Variants in EXOC6 observed in about 807,000 individuals in gnomAD.
EXOC6 encodes exocyst complex component 6, also known as SEC15-like 1.
A neutral mutation model predicts 112.5 loss-of-function variants in EXOC6; 60 were observed. The observed-to-expected ratio is 0.53, with a 90% CI of 0.43 to 0.66. EXOC6 has a LOEUF of 0.66. Ranked by LOEUF, EXOC6 falls within the 30% of genes least tolerant of loss-of-function variation. The pLI is 0.00. For synonymous variants in EXOC6, 295 were observed against 308.0 expected (o/e 0.96, Z 0.44); for missense variants, 855 against 957.1 (o/e 0.89, Z 1.41).
At position 92,848,776 on chromosome 10, in the gene EXOC6, G is replaced by A. The variant is rs575793042; in HGVS notation, c.101+142G>A. 53 of 563,228 alleles carry A rather than the reference G, an allele frequency of 9.4e-5. 1 individual carries two copies. In the East Asian group the frequency reaches 4.2e-3, roughly 45 times the overall value. 34.9% of individuals were successfully genotyped at this position (563,228 alleles called of 1,614,324 possible). A position where few individuals can be genotyped will look rare whatever the true frequency, so the allele number is the denominator to read the frequency against. On this transcript the variant is annotated intron_variant, in intron 1 of 21. Coordinates refer to ENST00000260762, the MANE Select transcript of EXOC6 (RefSeq NM_019053.6). ...GCGGGGGCGGGCGGGGGCGCTCGCG[G>A]GTGGCGGAACTCTAGCCGGTACCCG...
At chr10:92,932,244 G>C (rs1852081180) in intron 9 of EXOC6, among the ~76,000 whole-genome samples, 1 of 152,110 alleles carries the variant, frequency 6.6e-6, no homozygotes, top group Non-Finnish European at 1.5e-5. Context: ...TTTTTGAAAA[G>C]ACAAAACTCT....
Position 92,866,912 on chromosome 10 carries a change from T to C in EXOC6, c.101+18278T>C, listed in dbSNP as rs1487447608. On this transcript the variant is annotated intron_variant, in intron 1 of 21. Transcript: ENST00000260762. ...TTGTTTTGGGGGAATTTTACAAATA[T>C]TCTATTTATATAAGTACTTATTTGT... Among the ~76,000 whole-genome samples the C allele has an allele frequency of 4.6e-5, 7 of 152,310 alleles. 1 individual carries two copies. Among genetic ancestry groups the C allele is most frequent in the Middle Eastern group, 6.8e-3 (2 of 294 alleles).
intron 1 of EXOC6, among the ~76,000 whole-genome samples, chr10:92,886,959 A>G (rs1849248077): frequency 6.6e-6 from 1 of 152,136 alleles, no homozygotes; most frequent in African/African-American, 2.4e-5. Context: ...GTTGGTTGTT[A>G]TTATTTTTAT....
At chr10:92,930,827 T>A (rs1396969332) in intron 9 of EXOC6, among the ~76,000 whole-genome samples, 2 of 151,858 alleles carry the variant, frequency 1.3e-5, no homozygotes, top group African/African-American at 2.4e-5. Flanking sequence ...AAGGTGTTGT[T>A]AAGAAAATGA....
At chr10:92,896,147 G>GTGTGTGTGTGTGTGTA (rs1432410468) in intron 4 of EXOC6, among the ~76,000 whole-genome samples, 2 of 24,484 alleles carry the variant, frequency 8.2e-5, no homozygotes, top group African/African-American at 4.6e-4. Flanking sequence ...GTATGTATGT[G>GTGTGTGTGTGTGTGTA]TATATATATA....
At chr10:92,864,049 A>G (rs369260995) in intron 1 of EXOC6, among the ~76,000 whole-genome samples, 1 of 152,236 alleles carries the variant, frequency 6.6e-6, no homozygotes, top group East Asian at 1.9e-4. Flanking sequence ...AGATAACTTG[A>G]TTGTGAAGAA....
At chr10:92,841,165 C>T (rs940529955) in intron 1 of EXOC6, among the ~76,000 whole-genome samples, 3 of 152,132 alleles carry the variant, frequency 2.0e-5, no homozygotes, top group African/African-American at 4.8e-5. Context: ...TTATTTCTCC[C>T]GTCCAGCTGA....
chr10:92,877,330 T>C (rs932609411), intron 1 of EXOC6, among the ~76,000 whole-genome samples: 4 of 152,182 alleles, frequency 2.6e-5, no homozygotes. Flanking sequence ...GCATTCCTTA[T>C]GAGTCTAAGA....
intron 6 of EXOC6, among the ~76,000 whole-genome samples, chr10:92,914,217 C>T (rs1850958778): frequency 6.6e-6 from 1 of 152,142 alleles, no homozygotes; most frequent in African/African-American, 2.4e-5. Flanking sequence ...TGCGGGGCAT[C>T]TAGGTTGTGC....
At chr10:92,975,364 G>A (rs536868850) in intron 18 of EXOC6, among the ~76,000 whole-genome samples, 288 of 149,880 alleles carry the variant, frequency 1.9e-3, no homozygotes, top group African/African-American at 6.7e-3. Flanking sequence ...GAGCCCCTCC[G>A]CCCGGCAGCC....
intron 19 of EXOC6, among the ~76,000 whole-genome samples, chr10:93,000,274 A>G (rs144427965): frequency 1.9e-3 from 295 of 152,250 alleles, no homozygotes; most frequent in African/African-American, 6.5e-3. Context: ...TGATTAGACA[A>G]GTTCAGTTGT....
At chr10:92,855,480 T>C (rs992196695) in intron 1 of EXOC6, among the ~76,000 whole-genome samples, 4 of 152,210 alleles carry the variant, frequency 2.6e-5, no homozygotes, top group Admixed American at 1.3e-4. Flanking sequence ...AGCTTGTGAA[T>C]GATTAATGTT....
intron 1 of EXOC6, among the ~76,000 whole-genome samples, chr10:92,857,873 A>G (rs899130111): frequency 2.7e-5 from 4 of 147,832 alleles, no homozygotes; most frequent in Non-Finnish European, 4.5e-5. Context: ...TTCCTTTTGT[A>G]TTTCTTGTAA....
chr10:92,953,599 A>G (rs1034414487), intron 15 of EXOC6, among the ~76,000 whole-genome samples: 4 of 152,180 alleles, frequency 2.6e-5, no homozygotes, highest in African/African-American at 7.2e-5. Context: ...CCAAATGTGC[A>G]GGACAGTCTC....
Position 92,955,733 on chromosome 10 carries a change from A to G in EXOC6, c.1773+19A>G, listed in dbSNP as rs764414581. 6 of 1,598,098 alleles carry G rather than the reference A, an allele frequency of 3.8e-6. No homozygotes were observed. The highest frequency in any genetic ancestry group is 1.8e-5 in the Admixed American group (1 of 55,388). On this transcript the variant is annotated intron_variant, in intron 17 of 21. Transcript: ENST00000260762. ...TTTCAAGGTATGTAAAAATTTGACCAAAAGTTTTCATTTCAGTCACTGTAA... is the reference window on the plus strand; with the variant it reads ...TTTCAAGGTATGTAAAAATTTGACCGAAAGTTTTCATTTCAGTCACTGTAA...
intron 1 of EXOC6, among the ~76,000 whole-genome samples, chr10:92,891,626 C>T (rs1328459452): frequency 1.3e-5 from 2 of 152,066 alleles, no homozygotes; most frequent in Non-Finnish European, 2.9e-5. Context: ...AGATTACAGG[C>T]ACCTGCCACG....
At chr10:92,987,593 C>A in intron 18 of EXOC6, 1 of 984,172 alleles carries the variant, frequency 1.0e-6, no homozygotes, top group South Asian at 4.7e-5. Context: ...ATTTGATTGC[C>A]TTGCTGACTT....
intron 19 of EXOC6, among the ~76,000 whole-genome samples, chr10:93,010,111 A>G (rs1844172582): frequency 6.6e-6 from 1 of 152,230 alleles, no homozygotes; most frequent in African/African-American, 2.4e-5. Context: ...TAAAGAAATA[A>G]AGGGAAAAAT....
chr10:93,052,452 T>A (rs1846341549), intron 20 of EXOC6, among the ~76,000 whole-genome samples: 1 of 152,256 alleles, frequency 6.6e-6, no homozygotes, highest in Non-Finnish European at 1.5e-5. Flanking sequence ...AGCTGATCTT[T>A]GTGTTTGCTG....
Sources: gnomAD v4.1 joint callset for allele counts (sites outside exome capture counted in the v4.1 genomes callset) on GRCh38, gnomAD v4.1.1 for gene constraint, MANE v1.5 for transcripts, NCBI Gene and HGNC (gene_info 2026-07-23, HGNC 2026-07-21) for gene names.